Variants in LHX4 observed in about 807,000 individuals in gnomAD.
The protein encoded by LHX4 is LIM homeobox 4.
A neutral mutation model predicts 39.2 loss-of-function variants in LHX4; 16 were observed. The observed-to-expected ratio is 0.41, with a 90% CI of 0.28 to 0.62. LHX4 has a LOEUF of 0.62. Ranked by LOEUF, LHX4 falls within the 20% of genes least tolerant of loss-of-function variation. LHX4 has a pLI of 0.33. For synonymous variants in LHX4, 206 were observed against 198.1 expected, an observed-to-expected ratio of 1.04 and a Z score of -0.33; for missense variants, 439 against 511.9, an observed-to-expected ratio of 0.86 and a Z score of 1.37.
chr1:180,236,022 C>G (rs1241985825), intron 1 of LHX4, among the ~76,000 whole-genome samples: 3 of 152,064 alleles, frequency 2.0e-5, no homozygotes, highest in East Asian at 3.9e-4. Context: ...GAAGGACGAC[C>G]GAAGCTAGGT....
intron 1 of LHX4, among the ~76,000 whole-genome samples, chr1:180,240,436 G>A (rs1664420301): frequency 6.6e-6 from 1 of 152,158 alleles, no homozygotes; most frequent in Admixed American, 6.5e-5. Context: ...TCCCCAGAAA[G>A]GTGCCTTTTC....
intron 2 of LHX4, among the ~76,000 whole-genome samples, chr1:180,251,867 G>A (rs1647643511): frequency 6.6e-6 from 1 of 152,228 alleles, no homozygotes; most frequent in African/African-American, 2.4e-5. Context: ...ACTCTGTGAT[G>A]GGGTGCTGTG....
chr1:180,261,727 T>G (rs1035278137), intron 2 of LHX4, among the ~76,000 whole-genome samples: 1 of 152,022 alleles, frequency 6.6e-6, no homozygotes, highest in Admixed American at 6.5e-5. Flanking sequence ...CAGGCAGAGA[T>G]TTGGGGTGAG....
chr1:180,269,108 T>A (rs357046), intron 3 of LHX4, among the ~76,000 whole-genome samples: 19 of 147,386 alleles, frequency 1.3e-4, no homozygotes, highest in Non-Finnish European at 2.7e-4. Context: ...ATTTTAAGAC[T>A]AATTTTCCTG....
At position 180,274,334 on chromosome 1, in the gene LHX4, AT is replaced by A. The variant is rs1377324471; in HGVS notation, c.929del (p.Ile310ThrfsTer39). ...QDLRDGSPYGIPQSPSSISSL... is the reference protein window; with the variant it reads ...QDLRDGSPYGXPQSPSSISSL... ...CTTGAGGGATGGGAGCCCCTATGGA[AT>A]CCCCCAGTCTCCATCCTCCATATCG... is the stretch of plus-strand genomic sequence containing the variant. On this transcript the variant is annotated frameshift_variant, in exon 6 of 6. Coordinates refer to ENST00000263726, the MANE Select transcript of LHX4 (RefSeq NM_033343.4). LOFTEE classifies it high-confidence loss of function. The A allele has an allele frequency of 6.2e-7, 1 of 1,614,034 alleles. No homozygotes were observed. The highest frequency in any genetic ancestry group is 1.3e-5 in the African/African-American group (1 of 74,918).
At chr1:180,239,777 G>A (rs1351955329) in intron 1 of LHX4, among the ~76,000 whole-genome samples, 2 of 152,226 alleles carry the variant, frequency 1.3e-5, no homozygotes, top group Non-Finnish European at 2.9e-5. Context: ...GAGGGAATGA[G>A]CTTGCCAATT....
rs1165672227 is a variant in LHX4, at chr1:180,230,685, C to T, written c.76+80C>T. 17 of 1,383,762 alleles carry T rather than the reference C, an allele frequency of 1.2e-5. No homozygotes were observed. Among genetic ancestry groups the T allele is most frequent in the Non-Finnish European group, 1.7e-5 (17 of 981,736 alleles). 85.7% of individuals were successfully genotyped at this position (1,383,762 alleles called of 1,614,324 possible). ...CAGCCGCTGCGGGGCGGGCCGGACGCCGCTCAGGGGCCGGGAGGGGCTGGC... is the reference window on the plus strand; with the variant it reads ...CAGCCGCTGCGGGGCGGGCCGGACGTCGCTCAGGGGCCGGGAGGGGCTGGC... On this transcript the variant is annotated intron_variant, in intron 1 of 5. Transcript: ENST00000263726. The surrounding 1 kb of genome is among the most constrained non-coding windows in gnomAD (Gnocchi z 5.8).
chr1:180,248,225 G>A (rs1647462325), intron 1 of LHX4, 60 bp from the exon 2 acceptor site: 2 of 1,579,362 alleles, frequency 1.3e-6, no homozygotes, highest in Non-Finnish European at 1.7e-6. Flanking sequence ...GCCAGGGCCT[G>A]GCCTGGTTAG....
chr1:180,246,652 A>C (rs1484233265), intron 1 of LHX4, among the ~76,000 whole-genome samples: 3 of 152,218 alleles, frequency 2.0e-5, no homozygotes, highest in Non-Finnish European at 2.9e-5. Flanking sequence ...TGAAGGTTAC[A>C]CTGAGCTGAG....
chr1:180,262,241 A>C (rs1004840391), intron 2 of LHX4, among the ~76,000 whole-genome samples: 2 of 147,474 alleles, frequency 1.4e-5, no homozygotes, highest in Non-Finnish European at 3.0e-5. Flanking sequence ...TTTCTCTGGG[A>C]TCGCTGCCCA....
intron 5 of LHX4, chr1:180,273,879 T>C (rs1648843367): frequency 1.5e-5 from 6 of 413,266 alleles, no homozygotes; most frequent in Non-Finnish European, 1.3e-5. Context: ...TAGGCATTCA[T>C]CCTCCTCAGT....
At chr1:180,248,071 G>A (rs1011551297) in intron 1 of LHX4, among the ~76,000 whole-genome samples, 1 of 152,216 alleles carries the variant, frequency 6.6e-6, no homozygotes, top group African/African-American at 2.4e-5. Flanking sequence ...AGCCTGGCCA[G>A]CAAAGCAAGG....
At position 180,263,994 on chromosome 1, in the gene LHX4, C is replaced by T. The variant is rs567539630; in HGVS notation, c.249-2398C>T. Among the ~76,000 whole-genome samples the T allele has an allele frequency of 1.3e-4, 20 of 152,258 alleles. No homozygotes were observed. The South Asian group carries it at 2.7e-3, about 21-fold the overall frequency. Reference sequence around the variant, plus strand: ...ATTAATTAATTTAGAGACAGGGTCTCGCTCTGTTGCCCAGGCTGGAGTGCA... The same window carrying T: ...ATTAATTAATTTAGAGACAGGGTCTTGCTCTGTTGCCCAGGCTGGAGTGCA... On this transcript the variant is annotated intron_variant, in intron 2 of 5. Transcript: ENST00000263726.
intron 2 of LHX4, among the ~76,000 whole-genome samples, chr1:180,256,462 G>A (rs1647859518): frequency 6.6e-6 from 1 of 152,208 alleles, no homozygotes; most frequent in African/African-American, 2.4e-5. Context: ...CACTGTGGAT[G>A]AGACAGCAGG....
rs140383298 is a variant in LHX4, at chr1:180,236,419, G to A, written c.76+5814G>A. 2.0e-4 allele frequency among the ~76,000 whole-genome samples: 30 copies of A among 152,320 alleles called. No homozygotes were observed. The East Asian group carries it at 3.9e-3, about 20-fold the overall frequency. ...TTTCACTCTGCGTTACAGTCAATTAGTGATTACTTAGCATCCACATTAGTA... is the reference window on the plus strand; with the variant it reads ...TTTCACTCTGCGTTACAGTCAATTAATGATTACTTAGCATCCACATTAGTA... On this transcript the variant is annotated intron_variant, in intron 1 of 5. Coordinates refer to ENST00000263726, the MANE Select transcript of LHX4 (RefSeq NM_033343.4).
intron 2 of LHX4, among the ~76,000 whole-genome samples, chr1:180,248,874 C>T (rs2149256650): frequency 6.6e-6 from 1 of 152,364 alleles, no homozygotes; most frequent in African/African-American, 2.4e-5. Flanking sequence ...AGGTTCATGT[C>T]CACATCCAGA....
rs187508956 is a variant in LHX4 at position 180,257,734 on chromosome 1, A to T, written c.249-8658A>T. 1.2e-3 allele frequency among the ~76,000 whole-genome samples: 184 copies of T among 152,342 alleles called. 4 individuals carry two copies. The highest frequency in any genetic ancestry group is 5.9e-5 in the Non-Finnish European group (4 of 68,030). ...CACCGCCAAGCAATTAAAGCATAAAATCAACTTGTGCAGTATTTTGTTTCC... is the reference window on the plus strand; with the variant it reads ...CACCGCCAAGCAATTAAAGCATAAATTCAACTTGTGCAGTATTTTGTTTCC... On this transcript the variant is annotated intron_variant, in intron 2 of 5. Coordinates refer to ENST00000263726, the MANE Select transcript of LHX4 (RefSeq NM_033343.4).
intron 1 of LHX4, among the ~76,000 whole-genome samples, chr1:180,240,035 A>C (rs1005993078): frequency 6.6e-6 from 1 of 152,236 alleles, no homozygotes; most frequent in Admixed American, 6.5e-5. Context: ...CTGTCAAGTC[A>C]AAGCATGAAA....
At chr1:180,265,542 AG>A in intron 2 of LHX4, among the ~76,000 whole-genome samples, 1 of 152,300 alleles carries the variant, frequency 6.6e-6, no homozygotes, top group East Asian at 1.9e-4. Context: ...CGGCCTTGGC[AG>A]GGGGTGGCTT....
Sources: gnomAD v4.1 joint callset for allele counts (sites outside exome capture counted in the v4.1 genomes callset) on GRCh38, gnomAD v4.1.1 for gene constraint, Gnocchi (gnomAD v3.1) non-coding constraint, MANE v1.5 for transcripts, NCBI Gene and HGNC (gene_info 2026-07-23, HGNC 2026-07-21) for gene names.